The following TMSB15B variants were observed in gnomAD, a reference collection of about 807,000 sequenced individuals.
TMSB15B encodes thymosin beta 15B.
intron 1 of TMSB15B, among the ~76,000 whole-genome samples, chrX:103,954,043 C>G (rs1442619794): frequency 2.7e-5 from 3 of 111,728 alleles, no homozygotes; most frequent in African/African-American, 9.8e-5. Flanking sequence ...CTATCCTGGG[C>G]TAACTGTACT....
intron 1 of TMSB15B, among the ~76,000 whole-genome samples, chrX:103,937,377 C>A (rs1239699606): frequency 8.9e-6 from 1 of 112,071 alleles, no homozygotes; most frequent in East Asian, 2.8e-4. Context: ...GATTCGAGTT[C>A]TTCCTGGTTT....
At chrX:103,955,988 A>G in intron 1 of TMSB15B, among the ~76,000 whole-genome samples, 1 of 109,427 alleles carries the variant, frequency 9.1e-6, no homozygotes, top group Middle Eastern at 4.7e-3. Flanking sequence ...AGGGGCCAAT[A>G]TTCAACATTC....
At chrX:103,950,367 T>A (rs1556328093) in intron 1 of TMSB15B, among the ~76,000 whole-genome samples, 1 of 109,427 alleles carries the variant, frequency 9.1e-6, no homozygotes, top group East Asian at 2.9e-4. Flanking sequence ...GCAGAGTGAG[T>A]GAGGAACAGA....
chrX:103,938,709 G>T (rs2075005136), intron 1 of TMSB15B, among the ~76,000 whole-genome samples: 1 of 111,893 alleles, frequency 8.9e-6, no homozygotes, highest in Admixed American at 9.5e-5. Context: ...GATGCTAGCT[G>T]GTTATTCTGC....
intron 1 of TMSB15B, among the ~76,000 whole-genome samples, chrX:103,920,270 A>G (rs1455710164): frequency 9.0e-6 from 1 of 111,501 alleles, no homozygotes; most frequent in Non-Finnish European, 1.9e-5. Flanking sequence ...GTGAGTAAAA[A>G]GTGGGCTGCC....
At chrX:103,933,977 A>G (rs1316545318) in intron 1 of TMSB15B, among the ~76,000 whole-genome samples, 1 of 111,380 alleles carries the variant, frequency 9.0e-6, no homozygotes, top group Non-Finnish European at 1.9e-5. Context: ...GCTCAAATTT[A>G]TCATTTCTTT....
intron 1 of TMSB15B, chrX:103,928,594 TG>T (rs1166443678): frequency 4.3e-6 from 5 of 1,166,615 alleles, no homozygotes; most frequent in East Asian, 3.0e-5. Context: ...TTATGGGCTT[TG>T]GGGGCGGCTG....
intron 1 of TMSB15B, among the ~76,000 whole-genome samples, chrX:103,949,986 A>G (rs781903319): frequency 2.4e-4 from 27 of 111,496 alleles, no homozygotes; most frequent in Non-Finnish European, 7.5e-5. Context: ...AAAGTGAACC[A>G]AAGAGGAGTG....
chrX:103,928,692 G>C (rs2074976280), intron 1 of TMSB15B: 12 of 1,156,605 alleles, frequency 1.0e-5, no homozygotes, highest in South Asian at 3.7e-5. Context: ...AGGACCCCAT[G>C]CAGGATGGCC....
chrX:103,938,238 G>C (rs1250273735), intron 1 of TMSB15B, among the ~76,000 whole-genome samples: 1 of 111,589 alleles, frequency 9.0e-6, no homozygotes, highest in Non-Finnish European at 1.9e-5. Context: ...CTGTCTCGTT[G>C]ATCTGTCTAA....
intron 1 of TMSB15B, among the ~76,000 whole-genome samples, chrX:103,942,342 C>T (rs1218778086): frequency 1.2e-4 from 13 of 111,455 alleles, no homozygotes; most frequent in Admixed American, 9.5e-4. Flanking sequence ...TATCCAATTG[C>T]CCCAATATCA....
At chrX:103,923,258 T>C (rs1178100207) in intron 1 of TMSB15B, among the ~76,000 whole-genome samples, 36 of 112,390 alleles carry the variant, frequency 3.2e-4, no homozygotes, top group African/African-American at 1.1e-3. Flanking sequence ...TTTGGTGTTT[T>C]AGACATGAAG....
chrX:103,924,894 A>G (rs1361517886), intron 1 of TMSB15B, among the ~76,000 whole-genome samples: 1 of 111,094 alleles, frequency 9.0e-6, no homozygotes, highest in Non-Finnish European at 1.9e-5. Context: ...CTTTGAATTC[A>G]TGTCAAGGGG....
At chrX:103,924,816 TAGG>T (rs1280063898) in intron 1 of TMSB15B, among the ~76,000 whole-genome samples, 1 of 111,214 alleles carries the variant, frequency 9.0e-6, no homozygotes, top group Non-Finnish European at 1.9e-5. Context: ...GCTGTAAACA[TAGG>T]AGGCAGGTCA....
At chrX:103,955,883 G>T (rs782745757) in intron 1 of TMSB15B, among the ~76,000 whole-genome samples, 1 of 111,480 alleles carries the variant, frequency 9.0e-6, no homozygotes, top group Admixed American at 9.5e-5. Flanking sequence ...AAATGTTAAA[G>T]GCAGCTGGAG....
In TMSB15B at chrX:103,938,741, C is replaced by T. The variant is rs77689131; in HGVS notation, c.-721+19449C>T. On this transcript the variant is annotated intron_variant, in intron 1 of 3. Coordinates refer to the TMSB15B transcript ENST00000419165. ...CTGCCCATTACTTAATGCAGTTTCT[C>T]ATAGTGTCGATGGTCTTTACATTTT... 2.7e-5 allele frequency among the ~76,000 whole-genome samples: 3 copies of T among 112,003 alleles called. No individual in the cohort carries two copies. In the East Asian group the frequency reaches 8.4e-4, roughly 31 times the overall value.
intron 1 of TMSB15B, among the ~76,000 whole-genome samples, chrX:103,936,762 A>T (rs1464859803): frequency 3.6e-5 from 4 of 112,363 alleles, no homozygotes; most frequent in African/African-American, 1.3e-4. Flanking sequence ...TTGCCCATTC[A>T]GTATGATATT....
intron 1 of TMSB15B, among the ~76,000 whole-genome samples, chrX:103,935,745 G>A (rs1201774785): frequency 1.8e-5 from 2 of 110,085 alleles, no homozygotes; most frequent in Non-Finnish European, 3.8e-5. Context: ...CTGTGGCCTC[G>A]TAGTATATTT....
intron 1 of TMSB15B, among the ~76,000 whole-genome samples, chrX:103,949,263 G>A (rs1371915462): frequency 1.7e-4 from 19 of 111,743 alleles, no homozygotes; most frequent in African/African-American, 6.2e-4. Flanking sequence ...AGTGGAATAC[G>A]GTGTCTTTGC....
Sources: allele counts gnomAD v4.1 joint callset (sites outside exome capture counted in the v4.1 genomes callset), GRCh38; gene constraint gnomAD v4.1.1; transcripts MANE v1.5; gene names NCBI Gene and HGNC (gene_info 2026-07-23, HGNC 2026-07-21).